SNX29: variants seen among roughly 807,000 people sequenced by gnomAD.
SNX29 encodes sorting nexin 29.
Under a neutral mutation model 102.1 loss-of-function variants are expected in SNX29, and 78 were observed. The ratio of observed to expected loss-of-function variants is 0.76; its 90% CI spans 0.64 to 0.92. The LOEUF (loss-of-function observed/expected upper bound fraction) is 0.92. Among genes scored for constraint, SNX29 ranks in the 40% least tolerant of loss-of-function variants. The pLI, the probability that SNX29 is intolerant of heterozygous loss-of-function variation, is 0.00. For missense variants in SNX29, 1,280 were observed against 1,061.7 expected, an observed-to-expected ratio of 1.21 and a Z score of -2.86; for synonymous variants, 580 against 414.5, an observed-to-expected ratio of 1.40 and a Z score of -4.85.
At chr16:12,225,112 T>C (rs2077576038) in intron 14 of SNX29, among the ~76,000 whole-genome samples, 1 of 152,232 alleles carries the variant, frequency 6.6e-6, no homozygotes, top group African/African-American at 2.4e-5. Flanking sequence ...TAATATTGAT[T>C]AATATCAAAG....
chr16:12,265,091 G>A (rs1278381201), intron 14 of SNX29, among the ~76,000 whole-genome samples: 1 of 152,186 alleles, frequency 6.6e-6, no homozygotes, highest in African/African-American at 2.4e-5. Context: ...CTGTCCCTTT[G>A]CTGACAAGCT....
rs575782226 is a variant in SNX29 at position 12,568,320 on chromosome 16, G to T, written c.2319-186G>T. The stretch of plus-strand genomic sequence containing the variant: ...GAGTGCTGTTAAAAAAAAAAAAATG[G>T]AAAGGTTTACGTGACAATAGGGGTT... On this transcript the variant is annotated intron_variant, in intron 20 of 20. Transcript: ENST00000566228. Among the ~76,000 whole-genome samples the T allele has an allele frequency of 3.9e-4, 44 of 113,664 alleles. No homozygotes were observed. The South Asian group carries it at 7.8e-3, about 20-fold the overall frequency. 74.6% of individuals were successfully genotyped at this position (113,664 alleles called of 152,430 possible). A position where few individuals can be genotyped will look rare whatever the true frequency, so the allele number is the denominator to read the frequency against.
chr16:12,393,500 G>A (rs1189853154), intron 16 of SNX29, among the ~76,000 whole-genome samples: 1 of 148,624 alleles, frequency 6.7e-6, no homozygotes, highest in East Asian at 1.9e-4. Flanking sequence ...TGGTGAACAG[G>A]TGGGTGTGGT....
intron 3 of SNX29, among the ~76,000 whole-genome samples, chr16:12,006,082 T>C (rs1159461085): frequency 6.6e-6 from 1 of 152,096 alleles, no homozygotes; most frequent in Non-Finnish European, 1.5e-5. Context: ...CTCATGTCTG[T>C]AATCTCATTG....
chr16:12,549,393 G>A (rs1347057723), intron 20 of SNX29, among the ~76,000 whole-genome samples: 4 of 152,226 alleles, frequency 2.6e-5, no homozygotes, highest in African/African-American at 9.7e-5. Context: ...TACTCAGAAG[G>A]CTGAGGCAGG....
intron 9 of SNX29, among the ~76,000 whole-genome samples, chr16:12,066,389 G>T (rs759757947): frequency 5.9e-5 from 9 of 152,158 alleles, no homozygotes; most frequent in Non-Finnish European, 1.2e-4. Context: ...TGGAGGGTGG[G>T]TGCCGTGCTC....
At chr16:12,281,940 C>T (rs1015299504) in intron 15 of SNX29, among the ~76,000 whole-genome samples, 2 of 151,864 alleles carry the variant, frequency 1.3e-5, no homozygotes, top group Admixed American at 1.3e-4. Flanking sequence ...AAAAATTAGC[C>T]GGTCATGGTG....
chr16:12,274,538 C>CTTT (rs1305519048), intron 14 of SNX29, among the ~76,000 whole-genome samples: 1 of 150,866 alleles, frequency 6.6e-6, no homozygotes, highest in African/African-American at 2.4e-5. Context: ...TTCTCCCCAC[C>CTTT]TCTTTTTTTT....
intron 11 of SNX29, among the ~76,000 whole-genome samples, chr16:12,123,292 ACACT>A (rs1442565303): frequency 6.6e-6 from 1 of 152,108 alleles, no homozygotes; most frequent in African/African-American, 2.4e-5. Context: ...TGTGATGAGG[ACACT>A]CAAAGTCTGC....
intron 13 of SNX29, among the ~76,000 whole-genome samples, chr16:12,174,335 A>C (rs2076214232): frequency 6.6e-6 from 1 of 152,220 alleles, no homozygotes; most frequent in Admixed American, 6.5e-5. Flanking sequence ...TGGTGGGTAC[A>C]CAGTTAGCCT....
At chr16:12,513,460 C>T (rs921315940) in intron 19 of SNX29, among the ~76,000 whole-genome samples, 1 of 152,024 alleles carries the variant, frequency 6.6e-6, no homozygotes, top group Non-Finnish European at 1.5e-5. Context: ...TTCCTCTGCT[C>T]TCTCCTTCCC....
chr16:12,527,910 T>C (rs1211674075), intron 20 of SNX29, among the ~76,000 whole-genome samples: 5 of 151,204 alleles, frequency 3.3e-5, no homozygotes, highest in African/African-American at 7.3e-5. Flanking sequence ...CTGTAAGCTC[T>C]GCCTCCCAGG....
At chr16:12,344,611 C>T (rs1158205232) in intron 15 of SNX29, among the ~76,000 whole-genome samples, 1 of 152,162 alleles carries the variant, frequency 6.6e-6, no homozygotes, top group Non-Finnish European at 1.5e-5. Flanking sequence ...ATGGACAGGC[C>T]TTGTATGGAT....
chr16:12,104,769 C>T (rs560392736), intron 11 of SNX29, among the ~76,000 whole-genome samples: 1 of 152,166 alleles, frequency 6.6e-6, no homozygotes, highest in Admixed American at 6.5e-5. Flanking sequence ...TTATGTTTAT[C>T]CATGCAAATC....
intron 11 of SNX29, among the ~76,000 whole-genome samples, chr16:12,079,184 C>G (rs903627610): frequency 3.3e-5 from 5 of 152,226 alleles, no homozygotes; most frequent in African/African-American, 1.2e-4. Context: ...TGGGGTTTGC[C>G]TCCCATAATG....
chr16:12,541,037 G>A (rs544623661), intron 20 of SNX29, among the ~76,000 whole-genome samples: 25 of 152,286 alleles, frequency 1.6e-4, no homozygotes, highest in East Asian at 5.8e-4. Context: ...GGTCATCTCT[G>A]TAGTCTGGCT....
chr16:12,413,147 G>T (rs1273176236), intron 18 of SNX29, among the ~76,000 whole-genome samples: 1 of 152,196 alleles, frequency 6.6e-6, no homozygotes, highest in East Asian at 1.9e-4. Flanking sequence ...GGAAGGGAGT[G>T]TTGGGCCTGG....
intron 18 of SNX29, among the ~76,000 whole-genome samples, chr16:12,450,860 A>G (rs1201689103): frequency 1.3e-5 from 2 of 152,172 alleles, no homozygotes; most frequent in Admixed American, 1.3e-4. Flanking sequence ...ATGAAGGACC[A>G]AGGGCAGGAG....
At chr16:12,473,903 C>G (rs2087472005) in intron 18 of SNX29, among the ~76,000 whole-genome samples, 1 of 152,154 alleles carries the variant, frequency 6.6e-6, no homozygotes, top group Non-Finnish European at 1.5e-5. Context: ...CAGGAAATAA[C>G]CATAAAAATG....
Sources: allele counts gnomAD v4.1 joint callset (sites outside exome capture counted in the v4.1 genomes callset), GRCh38; gene constraint gnomAD v4.1.1; transcripts MANE v1.5; gene names NCBI Gene and HGNC (gene_info 2026-07-23, HGNC 2026-07-21).